B4GALT5: variants seen among roughly 807,000 people sequenced by gnomAD.
The protein encoded by B4GALT5 is beta-1,4-galactosyltransferase 5.
In B4GALT5, 11 loss-of-function variants were observed where a neutral mutation model predicts 45.0. The observed-to-expected ratio is 0.24, with a 90% CI of 0.15 to 0.40. The LOEUF (loss-of-function observed/expected upper bound fraction) is 0.40. Ranked by LOEUF, B4GALT5 falls within the 10% of genes least tolerant of loss-of-function variation. The pLI is 1.00. For synonymous variants in B4GALT5, 185 were observed against 182.9 expected (o/e 1.01, Z -0.09); for missense variants, 337 against 500.2 (o/e 0.67, Z 3.11).
chr20:49,649,327 C>T (rs1468837731), intron 2 of B4GALT5, among the ~76,000 whole-genome samples: 1 of 152,026 alleles, frequency 6.6e-6, no homozygotes, highest in East Asian at 1.9e-4. Context: ...GCCTATAATC[C>T]CAGCACTTTG....
rs1042042604 is a variant in B4GALT5, at chr20:49,643,466, G to A, written c.489+60C>T. 1.0e-5 allele frequency: 16 copies of A among 1,595,252 alleles called. No homozygotes were observed. In the African/African-American group the frequency reaches 1.1e-4, roughly 11 times the overall value. ...TGGTTAGCTAATCCCATGGTGATTC[G>A]GACCAAAGGCAAACCCCAGGTGGGC... is the stretch of plus-strand genomic sequence containing the variant. On this transcript the variant is annotated intron_variant, in intron 4 of 8. Transcript: ENST00000371711.
At chr20:49,677,968 G>A (rs1213052095) in intron 1 of B4GALT5, among the ~76,000 whole-genome samples, 2 of 152,148 alleles carry the variant, frequency 1.3e-5, no homozygotes, top group Admixed American at 6.5e-5. Flanking sequence ...GGCTGGTCTC[G>A]AACCCCTGAC....
chr20:49,662,615 C>G (rs912336219), intron 1 of B4GALT5, among the ~76,000 whole-genome samples: 1 of 152,146 alleles, frequency 6.6e-6, no homozygotes, highest in Non-Finnish European at 1.5e-5. Context: ...GAGAGGAACC[C>G]AAAATACTGT....
At chr20:49,709,500 G>A (rs2085898597) in intron 1 of B4GALT5, among the ~76,000 whole-genome samples, 2 of 152,120 alleles carry the variant, frequency 1.3e-5, no homozygotes, top group South Asian at 2.1e-4. Flanking sequence ...GGCCAGGCAC[G>A]GTGGCTCACG....
chr20:49,663,675 G>GAAAA (rs869246702), intron 1 of B4GALT5, among the ~76,000 whole-genome samples: 50 of 2,966 alleles, frequency 0.017, 2 homozygotes, highest in Admixed American at 0.089. Flanking sequence ...TTCATCTCAA[G>GAAAA]AAAAAAAAAA....
At chr20:49,670,505 T>C (rs1030359586) in intron 1 of B4GALT5, among the ~76,000 whole-genome samples, 3 of 152,192 alleles carry the variant, frequency 2.0e-5, no homozygotes, top group East Asian at 1.9e-4. Context: ...GAGATCTTCA[T>C]GCCTTAGCTC....
chr20:49,639,142 TG>T (rs1452572440), intron 7 of B4GALT5, among the ~76,000 whole-genome samples: 1 of 152,192 alleles, frequency 6.6e-6, no homozygotes, highest in Admixed American at 6.5e-5. Context: ...TGTTACTTAT[TG>T]TTGTGGGTAA....
In B4GALT5 at chr20:49,681,867, G is replaced by A. The variant is rs188087133; in HGVS notation, c.116-25165C>T. Among the ~76,000 whole-genome samples, 18 of 152,330 alleles carry A rather than the reference G, an allele frequency of 1.2e-4. 1 individual carries two copies. The highest frequency in any genetic ancestry group is 8.5e-4 in the Admixed American group (13 of 15,310). On this transcript the variant is annotated intron_variant, in intron 1 of 8. Coordinates refer to ENST00000371711, the MANE Select transcript of B4GALT5 (RefSeq NM_004776.4). ...TCCCAGCACTTTGGAAGGCTGAGGT[G>A]GGTGAAGGGCTTGAGCTCAAGAGTT...
rs182608530 is a variant in B4GALT5, at chr20:49,669,835, T to G, written c.116-13133A>C. ...AAAGGCTATAAGCCAGAAAAGGTCA[T>G]AGTGAAACTGATACTTCACCAACTG... On this transcript the variant is annotated intron_variant, in intron 1 of 8. Coordinates refer to ENST00000371711, the MANE Select transcript of B4GALT5 (RefSeq NM_004776.4). 7.6e-4 allele frequency among the ~76,000 whole-genome samples: 116 copies of G among 152,212 alleles called. 1 individual carries two copies. Among genetic ancestry groups the G allele is most frequent in the Non-Finnish European group, 1.2e-3 (83 of 68,018 alleles).
intron 2 of B4GALT5, among the ~76,000 whole-genome samples, chr20:49,651,728 C>T (rs970128271): frequency 1.3e-5 from 2 of 152,244 alleles, no homozygotes; most frequent in African/African-American, 4.8e-5. Context: ...CATTGCTTCA[C>T]ACCAGTGGTT....
rs1044183212 is a variant in B4GALT5 at position 49,635,204 on chromosome 20, G to C, written c.*1108C>G. The C allele has an allele frequency of 3.9e-5, 6 of 152,354 alleles. No individual in the cohort carries two copies. The highest frequency in any genetic ancestry group is 1.3e-4 in the Admixed American group (2 of 15,278). 9.4% of individuals were successfully genotyped at this position (152,354 alleles called of 1,614,324 possible). ...GTTCCACAAGAGAAAAAGTAAGAGG[G>C]GGAGGGATTCCCATACACACCCCCG... On this transcript the variant is annotated 3_prime_UTR_variant, in exon 9 of 9. Transcript: ENST00000371711.
chr20:49,645,674 G>C (rs2085596095), intron 3 of B4GALT5, among the ~76,000 whole-genome samples: 2 of 151,924 alleles, frequency 1.3e-5, no homozygotes, highest in African/African-American at 4.8e-5. Flanking sequence ...ACTTGAACCT[G>C]GGAGGCAGAG....
intron 2 of B4GALT5, among the ~76,000 whole-genome samples, chr20:49,654,113 G>A (rs1285213403): frequency 6.6e-6 from 1 of 152,190 alleles, no homozygotes; most frequent in Non-Finnish European, 1.5e-5. Flanking sequence ...GGACACAAAT[G>A]TTCCCTTACT....
intron 1 of B4GALT5, among the ~76,000 whole-genome samples, chr20:49,658,210 T>C (rs1428731251): frequency 6.6e-6 from 1 of 152,036 alleles, no homozygotes; most frequent in Non-Finnish European, 1.5e-5. Flanking sequence ...AAAGACAGCT[T>C]CCAATTATTA....
Position 49,663,690 on chromosome 20 carries a change from A to AAAAAAT in B4GALT5, c.116-6989_116-6988insATTTTT, listed in dbSNP as rs1555812124. Among the ~76,000 whole-genome samples the AAAAAAT allele has an allele frequency of 1.0e-4, 10 of 96,960 alleles. 1 individual carries two copies. The highest frequency in any genetic ancestry group is 2.7e-4 in the African/African-American group (6 of 22,408). 63.6% of individuals were successfully genotyped at this position (96,960 alleles called of 152,430 possible). A position where few individuals can be genotyped will look rare whatever the true frequency, so the allele number is the denominator to read the frequency against. Reference sequence around the variant, plus strand: ...TTCATCTCAAGAAAAAAAAAAAAAAAATATATACATATATATATATATATA... The same window carrying AAAAAAT: ...TTCATCTCAAGAAAAAAAAAAAAAAAAAAAATATATATACATATATATATATATATA... On this transcript the variant is annotated intron_variant, in intron 1 of 8. Coordinates refer to ENST00000371711, the MANE Select transcript of B4GALT5 (RefSeq NM_004776.4).
intron 1 of B4GALT5, among the ~76,000 whole-genome samples, chr20:49,692,305 GA>G (rs11482585): frequency 2.2e-4 from 32 of 143,560 alleles, no homozygotes; most frequent in Admixed American, 3.5e-4. Flanking sequence ...CTCTACAAAA[GA>G]AAAAAAAAAA....
In B4GALT5 at chr20:49,633,803, T is replaced by C. The variant is rs1313657963; in HGVS notation, c.*2509A>G. On this transcript the variant is annotated 3_prime_UTR_variant, in exon 9 of 9. Coordinates refer to ENST00000371711, the MANE Select transcript of B4GALT5 (RefSeq NM_004776.4). ...CGGCACCCAGGACTCAGAATCAGTC[T>C]GTCCTGGCAAATCCTTCCAAATGAC... is the stretch of plus-strand genomic sequence containing the variant. The C allele has an allele frequency of 6.6e-6, 1 of 152,604 alleles. No homozygotes were observed. Among genetic ancestry groups the C allele is most frequent in the Non-Finnish European group, 1.5e-5 (1 of 68,042 alleles). The allele number at this position is 152,604 out of a possible 1,614,324, so 9.5% of individuals were successfully genotyped here.
Position 49,642,584 on chromosome 20 carries a change from C to T in B4GALT5, c.490G>A (p.Val164Met). Residue 164 changes from valine (V) to methionine (M), a missense_variant and splice_region_variant, in exon 5 of 9, where the codon GTG becomes ATG. This residue lies in a region of B4GALT5 where 163 missense variants were observed against 292.8 expected (regional missense o/e 0.56). Transcript: ENST00000371711. ...KPSDCMPRWKVAILIPFRNRH... is the reference protein window; with the variant it reads ...KPSDCMPRWKMAILIPFRNRH... Reference sequence around the variant, plus strand: ...TTCCGGAAGGGGATAAGGATCGCCACCTGGAGTGGATTACAGCAAAAGAAG... The same window carrying T: ...TTCCGGAAGGGGATAAGGATCGCCATCTGGAGTGGATTACAGCAAAAGAAG... 2 of 1,609,146 alleles carry T rather than the reference C, an allele frequency of 1.2e-6. No homozygotes were observed. The highest frequency in any genetic ancestry group is 1.7e-6 in the Non-Finnish European group (2 of 1,176,142).
chr20:49,671,584 G>GT (rs554443323), intron 1 of B4GALT5, among the ~76,000 whole-genome samples: 3 of 152,242 alleles, frequency 2.0e-5, no homozygotes, highest in South Asian at 4.2e-4. Flanking sequence ...GATGTTCAGT[G>GT]TTTTTTATCT....
Sources: gnomAD v4.1 joint callset for allele counts (sites outside exome capture counted in the v4.1 genomes callset) on GRCh38, gnomAD v4.1.1 for gene constraint, gnomAD v4.1.1 regional missense constraint, MANE v1.5 for transcripts, NCBI Gene and HGNC (gene_info 2026-07-23, HGNC 2026-07-21) for gene names.